Variants in ROS1 observed in about 807,000 individuals in gnomAD.
The protein encoded by ROS1 is ROS proto-oncogene 1, receptor tyrosine kinase, also known as proto-oncogene tyrosine-protein kinase ROS.
Under a neutral mutation model 273.5 loss-of-function variants are expected in ROS1, and 263 were observed. That is an observed-to-expected ratio of 0.96 (90% confidence interval 0.87 to 1.06). ROS1 has a LOEUF of 1.06. Among genes scored for constraint, ROS1 ranks in the 50% least tolerant of loss-of-function variants. The probability of loss-of-function intolerance (pLI) is 0.00; values close to 1 mark genes in which losing one functional copy is unlikely to be tolerated. For missense variants in ROS1, 2,833 were observed against 2,751.1 expected (o/e 1.03, Z -0.67); for synonymous variants, 1,008 against 954.1 (o/e 1.06, Z -1.04).
chr6:117,305,060 T>G (rs1230165965), intron 42 of ROS1, among the ~76,000 whole-genome samples: 4 of 152,158 alleles, frequency 2.6e-5, no homozygotes, highest in Non-Finnish European at 4.4e-5. Flanking sequence ...TAAACCTCTT[T>G]TCTTTATAAA....
intron 43 of ROS1, among the ~76,000 whole-genome samples, chr6:117,290,750 C>T (rs935127720): frequency 5.3e-5 from 8 of 152,130 alleles, no homozygotes; most frequent in African/African-American, 1.9e-4. Context: ...CTCTCTCTAT[C>T]CCCTTTCCAC....
At position 117,415,709 on chromosome 6, in the gene ROS1, G is replaced by T. The variant is rs1199410208; in HGVS notation, c.228+549C>A. 2.0e-5 allele frequency among the ~76,000 whole-genome samples: 3 copies of T among 152,092 alleles called. No individual in the cohort carries two copies. In the East Asian group the frequency reaches 5.8e-4, roughly 29 times the overall value. The stretch of plus-strand genomic sequence containing the variant: ...GGGGATGTATTTCCTACATAAAGGG[G>T]AGTAAACCAGGTGTTTACGGCCCTG... On this transcript the variant is annotated intron_variant, in intron 3 of 43. Transcript: ENST00000368507.
intron 22 of ROS1, among the ~76,000 whole-genome samples, chr6:117,361,772 C>T (rs1779821198): frequency 6.6e-6 from 1 of 151,736 alleles, no homozygotes; most frequent in African/African-American, 2.4e-5. Context: ...CCCTACACAA[C>T]TCAAATCTCC....
chr6:117,354,591 G>C (rs1779143568), intron 26 of ROS1, among the ~76,000 whole-genome samples: 1 of 152,134 alleles, frequency 6.6e-6, no homozygotes. Flanking sequence ...AGAAACAGTT[G>C]TTTAAGCATG....
intron 43 of ROS1, among the ~76,000 whole-genome samples, chr6:117,298,000 A>G (rs1582541438): frequency 6.6e-6 from 1 of 152,212 alleles, no homozygotes. Flanking sequence ...CTGGATAATG[A>G]AAATGTGTTA....
intron 32 of ROS1, among the ~76,000 whole-genome samples, chr6:117,331,015 T>G (rs769904140): frequency 6.6e-6 from 1 of 152,210 alleles, no homozygotes; most frequent in African/African-American, 2.4e-5. Context: ...AGAAGTAGGC[T>G]TCACAAGATG....
chr6:117,422,693 G>C (rs1048436453), intron 1 of ROS1, among the ~76,000 whole-genome samples: 2 of 151,352 alleles, frequency 1.3e-5, no homozygotes, highest in African/African-American at 4.9e-5. Flanking sequence ...TATTTCTTTG[G>C]AACTTAAGAT....
At chr6:117,307,907 AT>A (rs1325772727) in intron 42 of ROS1, among the ~76,000 whole-genome samples, 4 of 152,010 alleles carry the variant, frequency 2.6e-5, no homozygotes, top group Non-Finnish European at 4.4e-5. Context: ...TTAGCACTTT[AT>A]TACATGTTGG....
intron 12 of ROS1, among the ~76,000 whole-genome samples, chr6:117,391,320 G>T (rs1015779685): frequency 6.6e-6 from 1 of 152,124 alleles, no homozygotes; most frequent in African/African-American, 2.4e-5. Context: ...TTTCAGAGTA[G>T]ATAAAAGGAA....
At chr6:117,360,459 T>C in intron 22 of ROS1, 54 bp from the exon 23 acceptor site, 1 of 1,234,854 alleles carries the variant, frequency 8.1e-7, no homozygotes, top group Non-Finnish European at 1.2e-6. Flanking sequence ...TGGCAACAAT[T>C]AAGTTCTGAG....
At position 117,326,312 on chromosome 6, in the gene ROS1, T is replaced by G. The variant is rs756847163; in HGVS notation, c.5451A>C (p.Lys1817Asn). ...CTACTACTCTGAACTGAAATATTCC[T>G]TTCAGGTTTTTGGACTTCCATGTGC... ...SVCTWKSKNL[K>N]GIFQFRVVAA... The change falls in exon 34 of 44, where the codon AAA becomes AAC. Residue 1817 changes from lysine to asparagine, a missense_variant. Lys to Asn is a moderately conservative substitution (Grantham distance 94). Coordinates refer to ENST00000368507, the MANE Select transcript of ROS1 (RefSeq NM_001378902.1). 1.2e-6 allele frequency: 2 copies of G among 1,604,442 alleles called. No individual in the cohort carries two copies.
In ROS1 at chr6:117,344,081, A is replaced by C. The variant is rs753752811; in HGVS notation, c.4485T>G (p.Ser1495=). ...TTACCAGAATTCTATATTTCAAGTC[A>C]GAGCTGTTTTTCCTGTCATTAACTT... The part of the protein sequence containing the change: ...YAEVNDRKNS[S]DLKYRILEFQ... The change falls in exon 28 of 44, where the codon TCT becomes TCG. Residue 1495 remains serine, a synonymous_variant. Coordinates refer to ENST00000368507, the MANE Select transcript of ROS1 (RefSeq NM_001378902.1). 2 of 1,613,632 alleles carry C rather than the reference A, an allele frequency of 1.2e-6. 1 individual carries two copies. Among genetic ancestry groups the C allele is most frequent in the South Asian group, 2.2e-5 (2 of 91,076 alleles).
intron 18 of ROS1, among the ~76,000 whole-genome samples, chr6:117,373,933 C>T (rs567199152): frequency 6.6e-6 from 1 of 152,142 alleles, no homozygotes; most frequent in Non-Finnish European, 1.5e-5. Flanking sequence ...CACAAATGTA[C>T]CTAAGAAGAT....
intron 41 of ROS1, 90 bp downstream of exon 41, chr6:117,309,991 C>T: frequency 1.7e-6 from 2 of 1,161,016 alleles, no homozygotes; most frequent in Non-Finnish European, 2.5e-6. Context: ...TGTTTTCTCA[C>T]ATTAAAAAAG....
chr6:117,334,375 C>T (rs899036506), intron 32 of ROS1, among the ~76,000 whole-genome samples: 1 of 152,056 alleles, frequency 6.6e-6, no homozygotes, highest in African/African-American at 2.4e-5. Flanking sequence ...AACATTCCAT[C>T]CCCATGGACA....
intron 35 of ROS1, among the ~76,000 whole-genome samples, chr6:117,322,064 G>A (rs955911830): frequency 2.0e-5 from 3 of 151,976 alleles, no homozygotes; most frequent in African/African-American, 7.2e-5. Context: ...CAATAGGATT[G>A]TCATCTGTAC....
chr6:117,365,630 A>G lies in ROS1; in HGVS notation c.2909T>C (p.Val970Ala). 6.2e-7 allele frequency: 1 copy of G among 1,612,778 alleles called. No homozygotes were observed. The highest frequency in any genetic ancestry group is 2.2e-5 in the East Asian group (1 of 44,872). Residue 970 changes from valine to alanine, a missense_variant, in exon 20 of 44, where the codon GTA becomes GCA. Val to Ala is a moderately conservative substitution (Grantham distance 64). Coordinates refer to ENST00000368507, the MANE Select transcript of ROS1 (RefSeq NM_001378902.1). The part of the protein sequence containing the change: ...FQILWNGPPA[V>A]DWGVVFYSVE... Reference sequence around the variant, plus strand: ...ACTGTAGAAAACTACACCCCAGTCTACCGCAGGGGGACCATTCCACAGGAT... The same window carrying G: ...ACTGTAGAAAACTACACCCCAGTCTGCCGCAGGGGGACCATTCCACAGGAT...
At position 117,383,363 on chromosome 6, in the gene ROS1, T is replaced by C; in HGVS notation, c.2435A>G (p.Glu812Gly). The C allele has an allele frequency of 6.2e-7, 1 of 1,614,110 alleles. No homozygotes were observed. The highest frequency in any genetic ancestry group is 8.5e-7 in the Non-Finnish European group (1 of 1,179,960). Residue 812 changes from glutamate (E) to glycine (G), a missense_variant, in exon 17 of 44, where the codon GAA becomes GGA. Transcript: ENST00000368507. ...CTGTGTCTGTAGTACAAGGGAACTTTCCCCATTTAGTCTGGTGCTTTCCAC... is the reference window on the plus strand; with the variant it reads ...CTGTGTCTGTAGTACAAGGGAACTTCCCCCATTTAGTCTGGTGCTTTCCAC... ...YSVESTRLNG[E>G]SSLVLQTQPW...
chr6:117,374,525 A>G (rs1169896962), intron 18 of ROS1, among the ~76,000 whole-genome samples: 2 of 152,256 alleles, frequency 1.3e-5, no homozygotes, highest in Non-Finnish European at 2.9e-5. Flanking sequence ...TAACAATTCT[A>G]GAAGATAACA....
Sources: allele counts gnomAD v4.1 joint callset (sites outside exome capture counted in the v4.1 genomes callset), GRCh38; gene constraint gnomAD v4.1.1; transcripts MANE v1.5; gene names NCBI Gene and HGNC (gene_info 2026-07-23, HGNC 2026-07-21).